TDRD5: variants seen among roughly 807,000 people sequenced by gnomAD.
TDRD5 encodes tudor domain containing 5, also known as tudor domain-containing protein 5.
In TDRD5, 41 loss-of-function variants were observed where a neutral mutation model predicts 120.6. The ratio of observed to expected loss-of-function variants is 0.34; its 90% CI spans 0.26 to 0.44. The LOEUF (loss-of-function observed/expected upper bound fraction) is 0.44, where lower values mean the gene tolerates loss of function less well. TDRD5 is among the 20% of genes least tolerant of loss of function. TDRD5 has a pLI of 1.00. For missense variants in TDRD5, 1,006 were observed against 1,221.2 expected (o/e 0.82, Z 2.63); for synonymous variants, 430 against 433.7 (o/e 0.99, Z 0.11).
At chr1:179,634,425 A>T in intron 7 of TDRD5, 32 bp from the exon 8 acceptor site, 3 of 1,575,394 alleles carry the variant, frequency 1.9e-6, no homozygotes, top group Non-Finnish European at 2.6e-6. Context: ...TTTGAGATGG[A>T]GTTGTTTCAT....
intron 4 of TDRD5, among the ~76,000 whole-genome samples, chr1:179,610,247 C>G (rs1468073623): frequency 6.6e-6 from 1 of 151,966 alleles, no homozygotes; most frequent in Non-Finnish European, 1.5e-5. Flanking sequence ...AAAGAGTGTT[C>G]ATTTATGTTG....
intron 11 of TDRD5, among the ~76,000 whole-genome samples, chr1:179,641,474 G>A (rs1213159193): frequency 6.6e-6 from 1 of 151,762 alleles, no homozygotes; most frequent in Non-Finnish European, 1.5e-5. Context: ...AGGTTGCAGT[G>A]AGCTGAGATT....
At chr1:179,675,009 T>G (rs1449075595) in intron 17 of TDRD5, among the ~76,000 whole-genome samples, 1 of 152,052 alleles carries the variant, frequency 6.6e-6, no homozygotes, top group African/African-American at 2.4e-5. Flanking sequence ...CACTTATCTT[T>G]TGTACCTTTT....
rs751845060 is a variant in TDRD5 at position 179,654,698 on chromosome 1, G to A, written c.2322+336G>A. Among the ~76,000 whole-genome samples the A allele has an allele frequency of 3.3e-5, 5 of 152,288 alleles. No homozygotes were observed. In the East Asian group the frequency reaches 9.6e-4, roughly 29 times the overall value. ...GCTTGAGAATGCCTGATCCCAGGAG[G>A]TGGAGGTGGCAGTGAGCTGAGATCG... On this transcript the variant is annotated intron_variant, in intron 14 of 17. Coordinates refer to ENST00000444136, the MANE Select transcript of TDRD5 (RefSeq NM_001199085.3).
intron 17 of TDRD5, among the ~76,000 whole-genome samples, chr1:179,675,280 T>TA (rs1680082368): frequency 1.6e-5 from 1 of 63,062 alleles, no homozygotes; most frequent in African/African-American, 4.7e-5. Flanking sequence ...ATTATTTTTT[T>TA]TTTTTTTTTT....
At chr1:179,628,922 G>T (rs1040342638) in intron 6 of TDRD5, among the ~76,000 whole-genome samples, 5 of 151,774 alleles carry the variant, frequency 3.3e-5, no homozygotes, top group Non-Finnish European at 7.4e-5. Context: ...TGAGGAATTT[G>T]TTGTTGTTGT....
intron 6 of TDRD5, among the ~76,000 whole-genome samples, chr1:179,622,353 A>T (rs1007457738): frequency 6.6e-6 from 1 of 152,216 alleles, no homozygotes; most frequent in Non-Finnish European, 1.5e-5. Flanking sequence ...CAGATTCTCT[A>T]CAATACATCT....
chr1:179,620,789 T>C (rs968016732), intron 5 of TDRD5, among the ~76,000 whole-genome samples: 1 of 151,990 alleles, frequency 6.6e-6, no homozygotes, highest in Non-Finnish European at 1.5e-5. Flanking sequence ...TTCTGGAGAG[T>C]TGTGGTATTG....
intron 4 of TDRD5, among the ~76,000 whole-genome samples, chr1:179,610,373 C>T (rs1209040572): frequency 6.6e-6 from 1 of 152,158 alleles, no homozygotes; most frequent in African/African-American, 2.4e-5. Context: ...TGGCTAACTG[C>T]ATGCTTGTCA....
At chr1:179,630,091 G>C (rs979544160) in intron 6 of TDRD5, among the ~76,000 whole-genome samples, 1 of 151,242 alleles carries the variant, frequency 6.6e-6, no homozygotes, top group Non-Finnish European at 1.5e-5. Context: ...GCCATTCTCC[G>C]GGTTCATGCC....
At position 179,615,128 on chromosome 1, in the gene TDRD5, G is replaced by T. The variant is rs936294411; in HGVS notation, c.832-3471G>T. Among the ~76,000 whole-genome samples, 6 of 151,920 alleles carry T rather than the reference G, an allele frequency of 3.9e-5. No individual in the cohort carries two copies. The South Asian group carries it at 8.3e-4, about 21-fold the overall frequency. On this transcript the variant is annotated intron_variant, in intron 4 of 17. Transcript: ENST00000444136. ...ATAAGTAAGATCATGTGGACTCTGGGTTTTTTCATTATAATAATTGTAATT... is the reference window on the plus strand; with the variant it reads ...ATAAGTAAGATCATGTGGACTCTGGTTTTTTTCATTATAATAATTGTAATT...
chr1:179,603,290 G>GTT (rs1284813527), intron 4 of TDRD5, among the ~76,000 whole-genome samples: 1 of 152,094 alleles, frequency 6.6e-6, no homozygotes, highest in African/African-American at 2.4e-5. Context: ...AGTCTTTAGG[G>GTT]TTTTCAAGGT....
In TDRD5 at chr1:179,639,901, C is replaced by G. The variant is rs746383941; in HGVS notation, c.1583C>G (p.Pro528Arg). The change falls in exon 10 of 18, where the codon CCG becomes CGG. Residue 528 changes from proline to arginine, a missense_variant. By Grantham distance (103) the Pro-to-Arg change is moderately radical. This residue lies in a region of TDRD5 where 158 missense variants were observed against 257.5 expected (regional missense o/e 0.61). Coordinates refer to ENST00000444136, the MANE Select transcript of TDRD5 (RefSeq NM_001199085.3). ...RYVMPECFIQPGHLCCVRISE... is the reference protein window; with the variant it reads ...RYVMPECFIQRGHLCCVRISE... The stretch of plus-strand genomic sequence containing the variant: ...GTCATGCCAGAATGTTTTATTCAGC[C>G]GGGACATCTCTGTTGTGTAAGGATT... 1.9e-6 allele frequency: 3 copies of G among 1,614,032 alleles called. No individual in the cohort carries two copies. The highest frequency in any genetic ancestry group is 2.5e-6 in the Non-Finnish European group (3 of 1,179,992).
chr1:179,597,082 T>G (rs1380954392), intron 4 of TDRD5, among the ~76,000 whole-genome samples: 9 of 152,342 alleles, frequency 5.9e-5, no homozygotes, highest in African/African-American at 2.2e-4. Flanking sequence ...CATGCGTGTT[T>G]GCCATTTGTA....
chr1:179,668,887 C>T (rs1019066193), intron 16 of TDRD5, among the ~76,000 whole-genome samples: 2 of 151,650 alleles, frequency 1.3e-5, no homozygotes, highest in Admixed American at 6.6e-5. Context: ...GGACTACAGG[C>T]GCCTGCCACC....
intron 4 of TDRD5, among the ~76,000 whole-genome samples, chr1:179,607,480 A>G (rs564048084): frequency 2.6e-4 from 39 of 151,520 alleles, no homozygotes; most frequent in Non-Finnish European, 5.5e-4. Context: ...GGGAGGGAAC[A>G]CTCTTTGCCT....
At chr1:179,605,595 A>G (rs1195584764) in intron 4 of TDRD5, among the ~76,000 whole-genome samples, 1 of 152,132 alleles carries the variant, frequency 6.6e-6, no homozygotes. Flanking sequence ...GCACTCCCCT[A>G]AAAGTCCTCT....
In TDRD5 at chr1:179,642,024, C is replaced by G. The variant is rs553909571; in HGVS notation, c.1800+1579C>G. 1.4e-3 allele frequency among the ~76,000 whole-genome samples: 209 copies of G among 152,078 alleles called. 3 individuals are homozygous for G. Among genetic ancestry groups the G allele is most frequent in the Non-Finnish European group, 1.5e-4 (10 of 67,982 alleles). On this transcript the variant is annotated intron_variant, in intron 11 of 17. Coordinates refer to ENST00000444136, the MANE Select transcript of TDRD5 (RefSeq NM_001199085.3). ...TTGTGACTCAGTTGTAGCCAGTGTTCATTACTTTCATATCAGCCAGATAGC... is the reference window on the plus strand; with the variant it reads ...TTGTGACTCAGTTGTAGCCAGTGTTGATTACTTTCATATCAGCCAGATAGC...
chr1:179,666,078 G>A (rs1679540501), intron 16 of TDRD5, among the ~76,000 whole-genome samples: 1 of 152,096 alleles, frequency 6.6e-6, no homozygotes, highest in African/African-American at 2.4e-5. Flanking sequence ...AGACAAACAT[G>A]TTTTGCTTTT....
Sources: allele counts gnomAD v4.1 joint callset (sites outside exome capture counted in the v4.1 genomes callset), GRCh38; gene constraint gnomAD v4.1.1; regional missense constraint gnomAD v4.1.1; transcripts MANE v1.5; gene names NCBI Gene and HGNC (gene_info 2026-07-23, HGNC 2026-07-21).